STX18: variants seen among roughly 807,000 people sequenced by gnomAD.
STX18 encodes syntaxin-18.
STX18 carries 40 observed loss-of-function variants against 50.1 expected under a neutral mutation model. The observed-to-expected ratio is 0.80, with a 90% CI of 0.62 to 1.04. STX18 has a LOEUF of 1.04. STX18 is among the 50% of genes least tolerant of loss of function. The pLI, the probability that STX18 is intolerant of heterozygous loss-of-function variation, is 0.00. For missense variants in STX18, 410 were observed against 415.8 expected (o/e 0.99, Z 0.12); for synonymous variants, 158 against 151.8 (o/e 1.04, Z -0.30).
intron 1 of STX18, among the ~76,000 whole-genome samples, chr4:4,477,110 G>A (rs899439112): frequency 3.3e-5 from 5 of 151,960 alleles, no homozygotes; most frequent in Non-Finnish European, 7.4e-5. Context: ...AGCCGGTGAC[G>A]CACATGCCTG....
chr4:4,542,215 G>A (rs915668709), upstream of STX18: 3 of 461,472 alleles, frequency 6.5e-6, no homozygotes, highest in Admixed American at 4.3e-5. Context: ...TCCCAGCAAA[G>A]CTTGGAGGGT....
In STX18 at chr4:4,541,950, G is replaced by T; in HGVS notation, c.15C>A (p.Ile5=). 3 of 1,605,090 alleles carry T rather than the reference G, an allele frequency of 1.9e-6. No homozygotes were observed. Among genetic ancestry groups the T allele is most frequent in the Non-Finnish European group, 2.5e-6 (3 of 1,176,782 alleles). MAVD[I]TLLFRASVKT... ...TGACGCTGGCCCGGAATAGCAGCGTGATGTCCACCGCCATAGCGACCCGCA... is the reference window on the plus strand; with the variant it reads ...TGACGCTGGCCCGGAATAGCAGCGTTATGTCCACCGCCATAGCGACCCGCA... Residue 5 remains isoleucine, a synonymous_variant, in exon 1 of 11, where the codon ATC becomes ATA. Transcript: ENST00000306200.
chr4:4,432,865 T>C (rs1312267214), intron 7 of STX18, among the ~76,000 whole-genome samples: 1 of 152,364 alleles, frequency 6.6e-6, no homozygotes, highest in East Asian at 1.9e-4. Context: ...TGGCGGCCAA[T>C]GCTCACGAGA....
rs1408933760 is a variant in STX18 at position 4,419,393 on chromosome 4, C to T, written c.*641G>A. ...CCCCTCACTGAGGGCCCCAGTCTCC[C>T]CTGCATTTCTTCCCTGATTGATTGA... On this transcript the variant is annotated 3_prime_UTR_variant, in exon 11 of 11. Coordinates refer to ENST00000306200, the MANE Select transcript of STX18 (RefSeq NM_016930.4). The T allele has an allele frequency of 1.3e-5, 2 of 152,246 alleles. No homozygotes were observed. The highest frequency in any genetic ancestry group is 2.9e-5 in the Non-Finnish European group (2 of 68,058). 9.4% of individuals were successfully genotyped at this position (152,246 alleles called of 1,614,324 possible).
intron 1 of STX18, among the ~76,000 whole-genome samples, chr4:4,531,523 T>C (rs1731095311): frequency 6.6e-6 from 1 of 152,236 alleles, no homozygotes; most frequent in South Asian, 2.1e-4. Flanking sequence ...TGTTATACAA[T>C]GGCTCTCGAG....
At chr4:4,473,647 G>A (rs181883049) in intron 1 of STX18, among the ~76,000 whole-genome samples, 13 of 152,164 alleles carry the variant, frequency 8.5e-5, no homozygotes, top group Admixed American at 8.5e-4. Flanking sequence ...CGCAAGCAAG[G>A]TGTTCATTCC....
In STX18 at chr4:4,501,610, G is replaced by T. The variant is rs559391333; in HGVS notation, c.169-29904C>A. 3.9e-5 allele frequency among the ~76,000 whole-genome samples: 6 copies of T among 152,272 alleles called. No individual in the cohort carries two copies. The South Asian group carries it at 1.2e-3, about 32-fold the overall frequency. On this transcript the variant is annotated intron_variant, in intron 1 of 10. Transcript: ENST00000306200. ...CATTTTATGATTCTTATCTTTTGCT[G>T]TGGAGACACCGAGTGTTTGGGATCA... is the stretch of plus-strand genomic sequence containing the variant.
chr4:4,523,059 T>C (rs890973572), intron 1 of STX18, among the ~76,000 whole-genome samples: 2 of 152,252 alleles, frequency 1.3e-5, no homozygotes, highest in Admixed American at 6.5e-5. Flanking sequence ...TACTACTTTA[T>C]TCCCATTACA....
At chr4:4,469,414 C>T (rs1426334027) in intron 2 of STX18, among the ~76,000 whole-genome samples, 5 of 149,500 alleles carry the variant, frequency 3.3e-5, no homozygotes, top group East Asian at 1.9e-4. Context: ...TTGGCACTGA[C>T]GTGAAATGAA....
chr4:4,479,281 G>A (rs1415010250), intron 1 of STX18, among the ~76,000 whole-genome samples: 2 of 152,048 alleles, frequency 1.3e-5, no homozygotes, highest in South Asian at 2.1e-4. Context: ...CTGTATAAAT[G>A]GTTTGAAATA....
rs1460091576 is a variant in STX18 at position 4,488,763 on chromosome 4, G to A, written c.169-17057C>T. Among the ~76,000 whole-genome samples the A allele has an allele frequency of 2.0e-5, 3 of 152,182 alleles. No individual in the cohort carries two copies. The South Asian group carries it at 6.2e-4, about 32-fold the overall frequency. Reference sequence around the variant, plus strand: ...CTCCTGTAATCTGAAACTCAAAAGAGCAAGTAATATCTAAACAAGGGGAGG... The same window carrying A: ...CTCCTGTAATCTGAAACTCAAAAGAACAAGTAATATCTAAACAAGGGGAGG... On this transcript the variant is annotated intron_variant, in intron 1 of 10. Coordinates refer to ENST00000306200, the MANE Select transcript of STX18 (RefSeq NM_016930.4).
chr4:4,504,990 T>C (rs1316070312), intron 1 of STX18, among the ~76,000 whole-genome samples: 1 of 152,228 alleles, frequency 6.6e-6, no homozygotes, highest in Non-Finnish European at 1.5e-5. Flanking sequence ...TTAGTGTATT[T>C]GAAAGTTGTG....
intron 1 of STX18, among the ~76,000 whole-genome samples, chr4:4,498,822 G>C (rs757686025): frequency 6.6e-6 from 1 of 152,124 alleles, no homozygotes; most frequent in Non-Finnish European, 1.5e-5. Flanking sequence ...TGTGGACAAC[G>C]AAAGAAACTA....
At chr4:4,507,778 T>C (rs963694771) in intron 1 of STX18, 42 of 1,163,850 alleles carry the variant, frequency 3.6e-5, no homozygotes, top group East Asian at 1.7e-4. Flanking sequence ...AGAGTTTCAA[T>C]TGTAAACAAA....
At chr4:4,451,482 G>T (rs971825470) in intron 5 of STX18, among the ~76,000 whole-genome samples, 4 of 152,234 alleles carry the variant, frequency 2.6e-5, no homozygotes, top group African/African-American at 9.6e-5. Context: ...TTTACAAATG[G>T]AGGGTATGTG....
At chr4:4,520,277 A>G (rs572809753) in intron 1 of STX18, among the ~76,000 whole-genome samples, 1 of 152,320 alleles carries the variant, frequency 6.6e-6, no homozygotes, top group East Asian at 1.9e-4. Context: ...GCTGTTAAGG[A>G]GTATCTCAAA....
intron 1 of STX18, among the ~76,000 whole-genome samples, chr4:4,511,139 TCTGCACATGTATC>T (rs1326496105): frequency 6.6e-6 from 1 of 152,160 alleles, no homozygotes; most frequent in East Asian, 1.9e-4. Flanking sequence ...ACCTGCACAT[TCTGCACATGTATC>T]CTAGAACTTA....
chr4:4,445,188 G>A (rs1397878626), intron 5 of STX18, among the ~76,000 whole-genome samples: 2 of 152,120 alleles, frequency 1.3e-5, no homozygotes, highest in Non-Finnish European at 1.5e-5. Context: ...GATCACCTGA[G>A]GTGAGGTCAG....
intron 5 of STX18, among the ~76,000 whole-genome samples, chr4:4,440,273 C>A (rs922497869): frequency 6.6e-6 from 1 of 152,134 alleles, no homozygotes; most frequent in African/African-American, 2.4e-5. Flanking sequence ...GTTAATGGCT[C>A]ATATAGTGGA....
Sources: allele counts gnomAD v4.1 joint callset (sites outside exome capture counted in the v4.1 genomes callset), GRCh38; gene constraint gnomAD v4.1.1; transcripts MANE v1.5; gene names NCBI Gene and HGNC (gene_info 2026-07-23, HGNC 2026-07-21).